The following NAALADL2 variants were observed in gnomAD, a reference collection of about 807,000 sequenced individuals.
NAALADL2 encodes N-acetylated alpha-linked acidic dipeptidase like 2, also known as inactive N-acetylated-alpha-linked acidic dipeptidase-like protein 2.
NAALADL2 carries 76 observed loss-of-function variants against 87.2 expected under a neutral mutation model. The observed-to-expected ratio is 0.87, with a 90% confidence interval of 0.72 to 1.05. The LOEUF (loss-of-function observed/expected upper bound fraction) is 1.05. Ranked by LOEUF, NAALADL2 falls within the 50% of genes least tolerant of loss-of-function variation. The probability of loss-of-function intolerance (pLI) is 0.00; values close to 1 mark genes in which losing one functional copy is unlikely to be tolerated. For missense variants in NAALADL2, 1,089 were observed against 945.8 expected (o/e 1.15, Z -1.99); for synonymous variants, 354 against 331.0 (o/e 1.07, Z -0.75).
At chr3:175,268,934 A>C (rs141875422) in intron 4 of NAALADL2, among the ~76,000 whole-genome samples, 1 of 143,900 alleles carries the variant, frequency 6.9e-6, no homozygotes, top group Admixed American at 7.3e-5. Context: ...TTTACAGTTA[A>C]CTATTTAATT....
chr3:175,223,416 G>A (rs1375418283), intron 2 of NAALADL2, among the ~76,000 whole-genome samples: 2 of 151,062 alleles, frequency 1.3e-5, no homozygotes, highest in Non-Finnish European at 2.9e-5. Flanking sequence ...TTCGATATTA[G>A]CATAGTATCC....
chr3:175,266,282 A>G (rs1751921752), intron 4 of NAALADL2, among the ~76,000 whole-genome samples: 1 of 151,304 alleles, frequency 6.6e-6, no homozygotes, highest in Non-Finnish European at 1.5e-5. Flanking sequence ...ATCATCTAAT[A>G]TTTAAATTTA....
chr3:174,640,811 G>T (rs1401015457), intron 2 of NAALADL2, among the ~76,000 whole-genome samples: 1 of 152,210 alleles, frequency 6.6e-6, no homozygotes, highest in Non-Finnish European at 1.5e-5. Context: ...CAGACTAAAA[G>T]CCTGGGATGA....
intron 13 of NAALADL2, among the ~76,000 whole-genome samples, chr3:175,781,206 AT>A (rs1751018939): frequency 6.6e-6 from 1 of 152,192 alleles, no homozygotes; most frequent in Admixed American, 6.5e-5. Context: ...GCTTTTAAAA[AT>A]TATTTTCATT....
intron 5 of NAALADL2, among the ~76,000 whole-genome samples, chr3:175,385,567 C>A (rs1367007473): frequency 6.6e-6 from 1 of 151,976 alleles, no homozygotes; most frequent in East Asian, 1.9e-4. Flanking sequence ...AATAGATTAG[C>A]AAAGCGAATA....
At chr3:174,562,811 A>T (rs368880841) in intron 2 of NAALADL2, among the ~76,000 whole-genome samples, 1 of 152,142 alleles carries the variant, frequency 6.6e-6, no homozygotes, top group East Asian at 1.9e-4. Context: ...GTATGTAAAC[A>T]TTATATTTAG....
At chr3:174,676,263 G>A (rs772814052) in intron 2 of NAALADL2, among the ~76,000 whole-genome samples, 49 of 152,172 alleles carry the variant, frequency 3.2e-4, no homozygotes, top group Non-Finnish European at 6.5e-4. Flanking sequence ...GGAAGTATAA[G>A]TGTGGGAACA....
chr3:174,839,106 A>T (rs573827956), intron 3 of NAALADL2, among the ~76,000 whole-genome samples: 23 of 152,332 alleles, frequency 1.5e-4, no homozygotes, highest in African/African-American at 4.8e-4. Flanking sequence ...CTATAAGGCC[A>T]TTGTCACCAA....
chr3:174,549,684 G>GA (rs1230400287), intron 1 of NAALADL2, among the ~76,000 whole-genome samples: 1 of 152,116 alleles, frequency 6.6e-6, no homozygotes, highest in East Asian at 1.9e-4. Context: ...TGAAGTAAGG[G>GA]AAAAGCAATT....
At chr3:175,743,806 G>T (rs1391151048) in intron 12 of NAALADL2, among the ~76,000 whole-genome samples, 5 of 152,198 alleles carry the variant, frequency 3.3e-5, no homozygotes, top group Non-Finnish European at 7.3e-5. Flanking sequence ...CATTGGTAAG[G>T]ACAGCGTCCA....
intron 11 of NAALADL2, among the ~76,000 whole-genome samples, chr3:175,729,202 A>G (rs192396586): frequency 1.4e-4 from 21 of 152,280 alleles, no homozygotes; most frequent in Non-Finnish European, 2.9e-4. Context: ...CTCTAACAGG[A>G]AAGTAAGTTC....
intron 1 of NAALADL2, among the ~76,000 whole-genome samples, chr3:174,940,432 T>C (rs549536243): frequency 4.3e-4 from 65 of 152,320 alleles, no homozygotes; most frequent in South Asian, 3.3e-3. Context: ...TCAAGAATTT[T>C]TGCATCTGTG....
rs535192384 is a variant in NAALADL2 at position 174,843,755 on chromosome 3, T to C, written c.-9+106009T>C. Among the ~76,000 whole-genome samples, 85 of 152,288 alleles carry C rather than the reference T, an allele frequency of 5.6e-4. 1 individual carries two copies. The highest frequency in any genetic ancestry group is 1.9e-3 in the African/African-American group (81 of 41,584). On this transcript the variant is annotated intron_variant, in intron 3 of 3. Coordinates refer to the NAALADL2 transcript ENST00000434257. Reference sequence around the variant, plus strand: ...GTCAGGTGTTATCTTGTTGAGGTTTTGATTAGCATTTCCCTGATGAATAGC... The same window carrying C: ...GTCAGGTGTTATCTTGTTGAGGTTTCGATTAGCATTTCCCTGATGAATAGC...
At chr3:175,672,078 G>A (rs1271112702) in intron 11 of NAALADL2, among the ~76,000 whole-genome samples, 2 of 152,030 alleles carry the variant, frequency 1.3e-5, no homozygotes, top group African/African-American at 4.8e-5. Context: ...GTTATTTCAG[G>A]ACTTAAACAT....
At chr3:175,411,114 G>A (rs1181890739) in intron 5 of NAALADL2, among the ~76,000 whole-genome samples, 1 of 152,146 alleles carries the variant, frequency 6.6e-6, no homozygotes, top group Non-Finnish European at 1.5e-5. Flanking sequence ...GAATAGAGAG[G>A]TAGCAGTAAA....
rs1215952803 is a variant in NAALADL2 at position 175,409,611 on chromosome 3, A to G, written c.1091-37618A>G. Among the ~76,000 whole-genome samples, 3 of 151,512 alleles carry G rather than the reference A, an allele frequency of 2.0e-5. No homozygotes were observed. The South Asian group carries it at 6.2e-4, about 32-fold the overall frequency. ...TTATTTAAACAAACAGAAGGAAAAC[A>G]TTTTTTTTACCAATCTCCCTCCCAA... is the stretch of plus-strand genomic sequence containing the variant. On this transcript the variant is annotated intron_variant, in intron 5 of 13. Coordinates refer to ENST00000454872, the MANE Select transcript of NAALADL2 (RefSeq NM_207015.3).
At chr3:174,884,464 C>T (rs1304896815) in intron 1 of NAALADL2, among the ~76,000 whole-genome samples, 1 of 152,104 alleles carries the variant, frequency 6.6e-6, no homozygotes, top group Non-Finnish European at 1.5e-5. Context: ...GAGCATGAGC[C>T]CATTGTCACA....
chr3:175,540,976 T>G (rs1433457987), intron 9 of NAALADL2, among the ~76,000 whole-genome samples: 1 of 152,190 alleles, frequency 6.6e-6, no homozygotes, highest in African/African-American at 2.4e-5. Context: ...AGAGATAAGA[T>G]GATTTAGTAT....
chr3:175,367,410 C>T (rs1223319364), intron 5 of NAALADL2, among the ~76,000 whole-genome samples: 2 of 151,778 alleles, frequency 1.3e-5, no homozygotes, highest in Non-Finnish European at 2.9e-5. Context: ...TCATTGGTAG[C>T]TTGATGGGGA....
Sources: allele counts gnomAD v4.1 joint callset (sites outside exome capture counted in the v4.1 genomes callset), GRCh38; gene constraint gnomAD v4.1.1; transcripts MANE v1.5; gene names NCBI Gene and HGNC (gene_info 2026-07-23, HGNC 2026-07-21).